RMDN2: variants seen among roughly 807,000 people sequenced by gnomAD.
The protein encoded by RMDN2 is regulator of microtubule dynamics 2, also known as regulator of microtubule dynamics protein 2.
Under a neutral mutation model 52.8 loss-of-function variants are expected in RMDN2, and 61 were observed. That is an observed-to-expected ratio of 1.16 (90% confidence interval 0.94 to 1.43). The LOEUF (loss-of-function observed/expected upper bound fraction) is 1.43. Among genes scored for constraint, RMDN2 ranks in the 40% most tolerant of loss-of-function variants. The probability of loss-of-function intolerance (pLI) is 0.00; values close to 1 mark genes in which losing one functional copy is unlikely to be tolerated. For missense variants in RMDN2, 592 were observed against 475.3 expected (o/e 1.25, Z -2.28); for synonymous variants, 180 against 153.1 (o/e 1.18, Z -1.30).
At chr2:38,033,426 G>C (rs905849044) in intron 10 of RMDN2, among the ~76,000 whole-genome samples, 6 of 152,172 alleles carry the variant, frequency 3.9e-5, no homozygotes, top group African/African-American at 1.4e-4. Flanking sequence ...TTGGAAGGGG[G>C]ATGAAAGTCA....
At chr2:38,066,846 A>T in intron 10 of RMDN2, 1 of 703,940 alleles carries the variant, frequency 1.4e-6, no homozygotes, top group Non-Finnish European at 2.5e-6. Flanking sequence ...ACTGTCATAC[A>T]TCTGGAAAAC....
chr2:38,023,522 C>A (rs1263910303), intron 10 of RMDN2, among the ~76,000 whole-genome samples: 1 of 151,972 alleles, frequency 6.6e-6, no homozygotes, highest in East Asian at 1.9e-4. Context: ...TTTTCCTTCC[C>A]CTCCTCCACA....
chr2:37,989,503 C>G (rs781225401), intron 5 of RMDN2, 38 bp from the exon 6 acceptor site: 2 of 1,385,950 alleles, frequency 1.4e-6, no homozygotes, highest in South Asian at 1.2e-5. Flanking sequence ...AAAATTTACA[C>G]AGTGGCCACT....
chr2:38,059,233 AT>A (rs1681951496), intron 10 of RMDN2, among the ~76,000 whole-genome samples: 1 of 152,226 alleles, frequency 6.6e-6, no homozygotes, highest in Non-Finnish European at 1.5e-5. Context: ...ATTAATTTAA[AT>A]TTAAATAGCC....
At chr2:37,965,005 T>C (rs1168817317) in intron 2 of RMDN2, among the ~76,000 whole-genome samples, 1 of 152,190 alleles carries the variant, frequency 6.6e-6, no homozygotes, top group Non-Finnish European at 1.5e-5. Flanking sequence ...CTTGTACAAT[T>C]TTTGACTTAA....
At chr2:37,984,945 C>T (rs968882718) in intron 5 of RMDN2, among the ~76,000 whole-genome samples, 5 of 152,056 alleles carry the variant, frequency 3.3e-5, no homozygotes, top group African/African-American at 1.2e-4. Flanking sequence ...GAAGTAATGA[C>T]CCTTTGGGAG....
intron 10 of RMDN2, among the ~76,000 whole-genome samples, chr2:38,007,422 G>T (rs933670907): frequency 2.0e-5 from 3 of 152,158 alleles, no homozygotes; most frequent in Non-Finnish European, 4.4e-5. Flanking sequence ...CTTCTTCCTG[G>T]TTTAGTCTTG....
chr2:37,942,828 G>A (rs1439106925), intron 2 of RMDN2, among the ~76,000 whole-genome samples: 1 of 152,154 alleles, frequency 6.6e-6, no homozygotes, highest in African/African-American at 2.4e-5. Context: ...ATCTAGCAGG[G>A]AACAAAGCAA....
chr2:38,064,924 C>G (rs1375262569), intron 10 of RMDN2, among the ~76,000 whole-genome samples: 1 of 152,280 alleles, frequency 6.6e-6, no homozygotes, highest in Middle Eastern at 3.4e-3. Context: ...ATTTGGCATT[C>G]TGGAGAACAT....
chr2:37,999,184 G>C (rs1448589542), intron 8 of RMDN2, among the ~76,000 whole-genome samples: 1 of 152,094 alleles, frequency 6.6e-6, no homozygotes, highest in East Asian at 1.9e-4. Flanking sequence ...ATAATGCTGA[G>C]GTAAAGAATG....
intron 8 of RMDN2, chr2:38,002,813 A>G (rs1676497217): frequency 6.6e-6 from 1 of 152,268 alleles, no homozygotes; most frequent in Non-Finnish European, 1.5e-5. Context: ...ATCTTGTGAA[A>G]CAAGGATATT....
chr2:38,055,236 C>A (rs1021936655), intron 10 of RMDN2, among the ~76,000 whole-genome samples: 2 of 151,826 alleles, frequency 1.3e-5, no homozygotes, highest in Non-Finnish European at 2.9e-5. Flanking sequence ...ATCTTGCAGT[C>A]AAAGTTGCCG....
At chr2:38,027,768 T>C (rs1184139315) in intron 10 of RMDN2, among the ~76,000 whole-genome samples, 2 of 152,346 alleles carry the variant, frequency 1.3e-5, no homozygotes, top group East Asian at 1.9e-4. Context: ...TAATTTAAAA[T>C]TGGGAAACCT....
intron 7 of RMDN2, among the ~76,000 whole-genome samples, chr2:37,992,875 C>G (rs1248461515): frequency 6.6e-6 from 1 of 152,056 alleles, no homozygotes; most frequent in Non-Finnish European, 1.5e-5. Flanking sequence ...AGCTAATAAG[C>G]AGGAGAACAG....
intron 2 of RMDN2, among the ~76,000 whole-genome samples, chr2:37,932,907 C>T (rs1439174004): frequency 5.5e-5 from 8 of 146,570 alleles, no homozygotes; most frequent in Admixed American, 4.0e-4. Flanking sequence ...GCTGGCCGGG[C>T]GGGGGGCTGA....
intron 10 of RMDN2, among the ~76,000 whole-genome samples, chr2:38,061,419 T>C (rs913601299): frequency 1.3e-5 from 2 of 152,232 alleles, no homozygotes; most frequent in Non-Finnish European, 1.5e-5. Flanking sequence ...TACTTCAGAC[T>C]GCCCTGATTT....
At chr2:37,998,132 G>A (rs1675823056) in intron 8 of RMDN2, 2 of 152,152 alleles carry the variant, frequency 1.3e-5, no homozygotes, top group African/African-American at 2.4e-5. Flanking sequence ...TCAACTTCCT[G>A]TGGGGGTAAT....
upstream of RMDN2, among the ~76,000 whole-genome samples, chr2:37,922,559 C>T (rs1352717515): frequency 6.6e-6 from 1 of 152,182 alleles, no homozygotes; most frequent in Non-Finnish European, 1.5e-5. Context: ...ATGCCAGGTT[C>T]CCAAGATACA....
At chr2:37,990,173 T>G (rs1321040199) in intron 6 of RMDN2, among the ~76,000 whole-genome samples, 2 of 147,852 alleles carry the variant, frequency 1.4e-5, no homozygotes, top group Non-Finnish European at 3.0e-5. Context: ...TTATTATTAG[T>G]CCAGATTCTG....
Sources: gnomAD v4.1 joint callset for allele counts (sites outside exome capture counted in the v4.1 genomes callset) on GRCh38, gnomAD v4.1.1 for gene constraint, MANE v1.5 for transcripts, NCBI Gene and HGNC (gene_info 2026-07-23, HGNC 2026-07-21) for gene names.